The following CALM3 variants were observed in gnomAD, a reference collection of about 807,000 sequenced individuals.
CALM3 encodes the protein calmodulin-3.
CALM3 carries 5 observed loss-of-function variants against 20.1 expected under a neutral mutation model. That is an observed-to-expected ratio of 0.25 (90% CI 0.13 to 0.52). The LOEUF (loss-of-function observed/expected upper bound fraction) is 0.52. CALM3 is among the 20% of genes least tolerant of loss of function. CALM3 has a pLI of 0.96. For missense variants in CALM3, 57 were observed against 192.8 expected (o/e 0.30, Z 4.17); for synonymous variants, 69 against 68.1 (o/e 1.01, Z -0.06).
In CALM3 at chr19:46,609,354, C is replaced by G. The variant is rs1971820976; in HGVS notation, c.*201C>G. On this transcript the variant is annotated 3_prime_UTR_variant, in exon 6 of 6. Coordinates refer to ENST00000291295, the MANE Select transcript of CALM3 (RefSeq NM_005184.4). ...TCTTCCCTGAGTCTCTCTCCATGCC[C>G]CTCATCTCTTCCTTTTGCCCTCGCC... 3.2e-6 allele frequency: 2 copies of G among 625,270 alleles called. No homozygotes were observed. Among genetic ancestry groups the G allele is most frequent in the Non-Finnish European group, 5.7e-6 (2 of 349,678 alleles). The allele number at this position is 625,270 out of a possible 1,614,324, so 38.7% of individuals were successfully genotyped here.
rs1309673572 is a variant in CALM3, at chr19:46,608,355, G to A, written c.178+15G>A. 6.2e-7 allele frequency: 1 copy of A among 1,613,786 alleles called. No individual in the cohort carries two copies. The highest frequency in any genetic ancestry group is 1.3e-5 in the African/African-American group (1 of 75,052). Reference sequence around the variant, plus strand: ...GGATGCAGATGGTGAGCCCCACAGAGCGCGTGGGCAGCCCTGCTCCTGGTC... The same window carrying A: ...GGATGCAGATGGTGAGCCCCACAGAACGCGTGGGCAGCCCTGCTCCTGGTC... On this transcript the variant is annotated intron_variant, in intron 3 of 5. Coordinates refer to ENST00000291295, the MANE Select transcript of CALM3 (RefSeq NM_005184.4). The surrounding 1 kb of genome is among the most constrained non-coding windows in gnomAD (Gnocchi z 5.5).
In CALM3 at chr19:46,602,207, G is replaced by A. The variant is rs781021956; in HGVS notation, c.3+770G>A. The A allele has an allele frequency of 6.5e-5, 88 of 1,355,502 alleles. 1 individual carries two copies. The South Asian group carries it at 9.7e-4, about 15-fold the overall frequency. 84.0% of individuals were successfully genotyped at this position (1,355,502 alleles called of 1,614,324 possible). ...CAGGGTCGTGGAGGTGGTGAAAAGG[G>A]ATGGTGAGAGTGGGGCTCGCCAGTA... On this transcript the variant is annotated intron_variant, in intron 1 of 5. Transcript: ENST00000291295.
At position 46,608,800 on chromosome 19, in the gene CALM3, C is replaced by A; in HGVS notation, c.286-46C>A. 6.5e-7 allele frequency: 1 copy of A among 1,529,182 alleles called. No individual in the cohort carries two copies. The highest frequency in any genetic ancestry group is 2.0e-5 in the Admixed American group (1 of 48,886). The allele number at this position is 1,529,182 out of a possible 1,614,324, so 94.7% of individuals were successfully genotyped here. A position where few individuals can be genotyped will look rare whatever the true frequency, so the allele number is the denominator to read the frequency against. On this transcript the variant is annotated intron_variant, in intron 4 of 5. Coordinates refer to ENST00000291295, the MANE Select transcript of CALM3 (RefSeq NM_005184.4). The surrounding 1 kb of genome is among the most constrained non-coding windows in gnomAD (Gnocchi z 5.5). ...GCCACCCCTCTCACTGCCTCTCTCC[C>A]CACCGGGAGAAGTGCCCAGTGAAAG...
rs1284788595 is a variant in CALM3, at chr19:46,601,483, G to A, written c.3+46G>A. ...GCCGAGGCTGCGGGCTCTGAGGCGG[G>A]CTTAACGGGGCAGGACCCCTGAGGG... On this transcript the variant is annotated intron_variant, in intron 1 of 5. Transcript: ENST00000291295. The surrounding 1 kb of genome is among the most constrained non-coding windows in gnomAD (Gnocchi z 4.2). The A allele has an allele frequency of 1.4e-5, 20 of 1,444,856 alleles. No individual in the cohort carries two copies. Among genetic ancestry groups the A allele is most frequent in the Non-Finnish European group, 1.7e-5 (19 of 1,094,658 alleles). The allele number at this position is 1,444,856 out of a possible 1,614,324, so 89.5% of individuals were successfully genotyped here.
Position 46,601,779 on chromosome 19 carries a change from A to C in CALM3, c.3+342A>C, listed in dbSNP as rs2122213147. Among the ~76,000 whole-genome samples, 1 of 152,266 alleles carries C rather than the reference A, an allele frequency of 6.6e-6. No individual in the cohort carries two copies. The highest frequency in any genetic ancestry group is 1.5e-5 in the Non-Finnish European group (1 of 68,006). On this transcript the variant is annotated intron_variant, in intron 1 of 5. Coordinates refer to ENST00000291295, the MANE Select transcript of CALM3 (RefSeq NM_005184.4). The surrounding 1 kb of genome is among the most constrained non-coding windows in gnomAD (Gnocchi z 4.2). ...GACCCAGGATGGGGCGTTGGGTTTC[A>C]GGATGGAGGTGTTTGGACCCCAGGG...
Position 46,609,353 on chromosome 19 carries a change from C to T in CALM3, c.*200C>T, listed in dbSNP as rs959956569. ...TTCTTCCCTGAGTCTCTCTCCATGCCCCTCATCTCTTCCTTTTGCCCTCGC... is the reference window on the plus strand; with the variant it reads ...TTCTTCCCTGAGTCTCTCTCCATGCTCCTCATCTCTTCCTTTTGCCCTCGC... On this transcript the variant is annotated 3_prime_UTR_variant, in exon 6 of 6. Coordinates refer to ENST00000291295, the MANE Select transcript of CALM3 (RefSeq NM_005184.4). The T allele has an allele frequency of 3.2e-6, 2 of 626,216 alleles. No homozygotes were observed. The highest frequency in any genetic ancestry group is 2.9e-6 in the Non-Finnish European group (1 of 350,240). The allele number at this position is 626,216 out of a possible 1,614,324, so 38.8% of individuals were successfully genotyped here. A position where few individuals can be genotyped will look rare whatever the true frequency, so the allele number is the denominator to read the frequency against.
At chr19:46,601,131 C>A (rs1568660787), upstream of CALM3, 1 of 728,920 alleles carries the variant, frequency 1.4e-6, no homozygotes, top group Non-Finnish European at 2.2e-6. The surrounding 1 kb of genome is among the most constrained non-coding windows in gnomAD (Gnocchi z 4.2). Flanking sequence ...CGGCGGCAAA[C>A]CCAATTCCTG....
At chr19:46,604,251 T>G (rs1395420217) in intron 1 of CALM3, among the ~76,000 whole-genome samples, 2 of 152,092 alleles carry the variant, frequency 1.3e-5, no homozygotes, top group Non-Finnish European at 2.9e-5. Flanking sequence ...GGCTCCAGGC[T>G]TTTTTGTCCA....
At chr19:46,604,881 C>T (rs1305977948) in intron 1 of CALM3, among the ~76,000 whole-genome samples, 1 of 152,030 alleles carries the variant, frequency 6.6e-6, no homozygotes, top group Non-Finnish European at 1.5e-5. Context: ...GATTCAGCCT[C>T]CCCAACCCCC....
Position 46,608,938 on chromosome 19 carries a change from C to T in CALM3, c.378C>T (p.Ile126=), listed in dbSNP as rs1361166518. The change falls in exon 5 of 6, where the codon ATC becomes ATT. Residue 126 remains isoleucine, a synonymous_variant. Transcript: ENST00000291295. The surrounding 1 kb of genome is among the most constrained non-coding windows in gnomAD (Gnocchi z 5.5). Reference sequence around the variant, plus strand: ...CCGATGAGGAGGTGGATGAGATGATCAGGGAGGCTGACATCGATGGAGATG... The same window carrying T: ...CCGATGAGGAGGTGGATGAGATGATTAGGGAGGCTGACATCGATGGAGATG... ...KLTDEEVDEM[I]READIDGDGQ... 1 of 1,609,380 alleles carries T rather than the reference C, an allele frequency of 6.2e-7. No homozygotes were observed. The highest frequency in any genetic ancestry group is 2.2e-5 in the East Asian group (1 of 44,846).
At chr19:46,607,007 A>C (rs989377966) in intron 2 of CALM3, among the ~76,000 whole-genome samples, 1 of 151,690 alleles carries the variant, frequency 6.6e-6, no homozygotes, top group Non-Finnish European at 1.5e-5. Flanking sequence ...TCTCCCCTCA[A>C]CCCGCATCAC....
chr19:46,604,050 G>C (rs145209438), intron 1 of CALM3, among the ~76,000 whole-genome samples: 6 of 152,278 alleles, frequency 3.9e-5, no homozygotes, highest in Middle Eastern at 3.4e-3. Context: ...GACCTGGCTC[G>C]CTTTTTCCAT....
chr19:46,601,385 G>A lies in CALM3; in HGVS notation c.-50G>A, dbSNP rs1271403175. ...AGCTGGAACTGCTGCAGCTGCTGCC[G>A]CCGCCGGAGGAACCTTGATCCCCGT... On this transcript the variant is annotated 5_prime_UTR_variant, in exon 1 of 6. Coordinates refer to ENST00000291295, the MANE Select transcript of CALM3 (RefSeq NM_005184.4). The surrounding 1 kb of genome is among the most constrained non-coding windows in gnomAD (Gnocchi z 4.2). 4 of 1,473,064 alleles carry A rather than the reference G, an allele frequency of 2.7e-6. No individual in the cohort carries two copies. Among genetic ancestry groups the A allele is most frequent in the Non-Finnish European group, 2.7e-6 (3 of 1,111,100 alleles). 91.2% of individuals were successfully genotyped at this position (1,473,064 alleles called of 1,614,324 possible).
intron 5 of CALM3, 21 bp from the exon 6 acceptor site, chr19:46,609,104 T>C: frequency 6.2e-7 from 1 of 1,613,874 alleles, no homozygotes; most frequent in Non-Finnish European, 8.5e-7. Flanking sequence ...TGACCTCCTC[T>C]CTCTCTGCTT....
chr19:46,601,402 G>C lies in CALM3; in HGVS notation c.-33G>C. 1 of 1,505,894 alleles carries C rather than the reference G, an allele frequency of 6.6e-7. No homozygotes were observed. The allele number at this position is 1,505,894 out of a possible 1,614,324, so 93.3% of individuals were successfully genotyped here. On this transcript the variant is annotated 5_prime_UTR_variant, in exon 1 of 6. Transcript: ENST00000291295. This position sits in a 1 kb window ranked among gnomAD's most constrained non-coding sequence, Gnocchi z 4.2. ...CTGCTGCCGCCGCCGGAGGAACCTT[G>C]ATCCCCGTGCTCCGGACACCCCGGG...
intron 1 of CALM3, chr19:46,602,284 C>T (rs1314524194): frequency 3.4e-6 from 4 of 1,163,826 alleles, no homozygotes; most frequent in African/African-American, 3.2e-5. Flanking sequence ...AGAAAAGGTT[C>T]CGAGGTTACT....
upstream of CALM3, chr19:46,601,109 C>T (rs1015213932): frequency 6.0e-5 from 48 of 798,340 alleles, no homozygotes; most frequent in Admixed American, 3.4e-4. The surrounding 1 kb of genome is among the most constrained non-coding windows in gnomAD (Gnocchi z 4.2). Context: ...CGGGAGCGAG[C>T]GCGCGCGCGC....
chr19:46,608,145 G>A lies in CALM3; in HGVS notation c.35-52G>A. 2 of 1,577,228 alleles carry A rather than the reference G, an allele frequency of 1.3e-6. No homozygotes were observed. Among genetic ancestry groups the A allele is most frequent in the Non-Finnish European group, 1.7e-6 (2 of 1,157,740 alleles). On this transcript the variant is annotated intron_variant, in intron 2 of 5. Coordinates refer to ENST00000291295, the MANE Select transcript of CALM3 (RefSeq NM_005184.4). This position sits in a 1 kb window ranked among gnomAD's most constrained non-coding sequence, Gnocchi z 5.5. ...GAAGGCATCCAGCATCCAGAGGTAA[G>A]GATTCTCCTGTGGACCTTGTGACCT...
At position 46,608,009 on chromosome 19, in the gene CALM3, A is replaced by C; in HGVS notation, c.35-188A>C. The C allele has an allele frequency of 1.7e-6, 1 of 581,556 alleles. No individual in the cohort carries two copies. Among genetic ancestry groups the C allele is most frequent in the Non-Finnish European group, 3.1e-6 (1 of 326,890 alleles). The allele number at this position is 581,556 out of a possible 1,614,324, so 36.0% of individuals were successfully genotyped here. ...TTGATGTTCAATAACTGTTGAATGA[A>C]GGTTGGAAGGGCTTTGCCCTGAGCA... On this transcript the variant is annotated intron_variant, in intron 2 of 5. Transcript: ENST00000291295. The surrounding 1 kb of genome is among the most constrained non-coding windows in gnomAD (Gnocchi z 5.5).
Sources: gnomAD v4.1 joint callset for allele counts (sites outside exome capture counted in the v4.1 genomes callset) on GRCh38, gnomAD v4.1.1 for gene constraint, Gnocchi (gnomAD v3.1) non-coding constraint, MANE v1.5 for transcripts, NCBI Gene and HGNC (gene_info 2026-07-23, HGNC 2026-07-21) for gene names.